GRAMD1A: variants seen among roughly 807,000 people sequenced by gnomAD.
GRAMD1A encodes the protein GRAM domain containing 1A, also known as protein Aster-A.
A neutral mutation model predicts 92.0 loss-of-function variants in GRAMD1A; 50 were observed. That is an observed-to-expected ratio of 0.54 (90% confidence interval 0.43 to 0.69). The LOEUF (loss-of-function observed/expected upper bound fraction) is 0.69. GRAMD1A is among the 30% of genes least tolerant of loss of function. The probability of loss-of-function intolerance (pLI) is 0.00; values close to 1 mark genes in which losing one functional copy is unlikely to be tolerated. For missense variants in GRAMD1A, 819 were observed against 978.9 expected (o/e 0.84, Z 2.18); for synonymous variants, 405 against 403.6 (o/e 1.00, Z -0.04).
intron 11 of GRAMD1A, among the ~76,000 whole-genome samples, chr19:35,016,761 C>G (rs542181542): frequency 1.0e-3 from 152 of 151,892 alleles, no homozygotes; most frequent in African/African-American, 3.4e-3. Context: ...ATATTTTAGC[C>G]AGGCATGGTG....
At chr19:35,006,862 T>A (rs1032752348) in intron 1 of GRAMD1A, among the ~76,000 whole-genome samples, 7 of 152,104 alleles carry the variant, frequency 4.6e-5, no homozygotes, top group South Asian at 2.1e-4. Flanking sequence ...GGTGCCTGCC[T>A]TAGGCTGGAT....
intron 10 of GRAMD1A, chr19:35,015,218 A>G (rs2015540007): frequency 6.6e-6 from 1 of 152,312 alleles, no homozygotes; most frequent in Non-Finnish European, 1.5e-5. Context: ...CATTTAAAGC[A>G]CTTGGGCCAG....
chr19:35,000,023 A>G (rs1015764375), upstream of GRAMD1A: 30 of 984,170 alleles, frequency 3.0e-5, no homozygotes, highest in African/African-American at 3.5e-4. The surrounding 1 kb of genome is among the most constrained non-coding windows in gnomAD (Gnocchi z 4.9). Flanking sequence ...GGCCAGGGGC[A>G]TAGTAGTTGC....
Position 35,011,524 on chromosome 19 carries a change from C to T in GRAMD1A, c.576C>T (p.Phe192=). ...GARDRCFLLI[F]RLWQNALLEK... The stretch of plus-strand genomic sequence containing the variant: ...GTGACCGCTGCTTCCTCCTCATCTT[C>T]CGCCTCTGGCAGAATGCACTGCTTG... Residue 192 remains phenylalanine (F), a synonymous_variant, in exon 7 of 20, where the codon TTC becomes TTT. Coordinates refer to ENST00000317991, the MANE Select transcript of GRAMD1A (RefSeq NM_020895.5). 1 of 1,611,720 alleles carries T rather than the reference C, an allele frequency of 6.2e-7. No homozygotes were observed. Among genetic ancestry groups the T allele is most frequent in the Non-Finnish European group, 8.5e-7 (1 of 1,179,742 alleles).
chr19:35,009,164 G>T lies in GRAMD1A; in HGVS notation c.54G>T (p.Ser18=), dbSNP rs748154945. Residue 18 remains serine, a synonymous_variant, in exon 2 of 20, where the codon TCG becomes TCT. Coordinates refer to ENST00000317991, the MANE Select transcript of GRAMD1A (RefSeq NM_020895.5). ...GGAGCACGCCAAGCAGCTCCCCATCGCTCCGGAAACGGCTGCAGCTCCTGC... is the reference window on the plus strand; with the variant it reads ...GGAGCACGCCAAGCAGCTCCCCATCTCTCCGGAAACGGCTGCAGCTCCTGC... The part of the protein sequence containing the change: ...SGRSTPSSSP[S]LRKRLQLLPP... The T allele has an allele frequency of 6.2e-7, 1 of 1,613,988 alleles. No individual in the cohort carries two copies. Among genetic ancestry groups the T allele is most frequent in the Admixed American group, 1.7e-5 (1 of 60,014 alleles).
chr19:35,014,671 T>C, intron 10 of GRAMD1A: 1 of 495,032 alleles, frequency 2.0e-6, no homozygotes, highest in Non-Finnish European at 3.7e-6. Context: ...TGAGCTTGCT[T>C]TCCTCCTCTG....
rs751160017 is a variant in GRAMD1A at position 35,010,217 on chromosome 19, G to A, written c.429+22G>A. ...CACGGTGAGCCCGCAGCGGGGCAGGGTACAGGGGCGGGGGCCCCCATGGCC... is the reference window on the plus strand; with the variant it reads ...CACGGTGAGCCCGCAGCGGGGCAGGATACAGGGGCGGGGGCCCCCATGGCC... On this transcript the variant is annotated intron_variant, in intron 5 of 19. Transcript: ENST00000317991. 14 of 1,599,282 alleles carry A rather than the reference G, an allele frequency of 8.8e-6. No individual in the cohort carries two copies. The Middle Eastern group carries it at 5.0e-4, about 57-fold the overall frequency.
chr19:35,023,015 C>T, intron 17 of GRAMD1A, 104 bp downstream of exon 17: 1 of 1,000,410 alleles, frequency 1.0e-6, no homozygotes, highest in South Asian at 1.4e-5. Context: ...GGGAGGTGGC[C>T]TGGCATGGCA....
At chr19:34,995,305 A>G (rs1223006148) in intron 1 of GRAMD1A, among the ~76,000 whole-genome samples, 1 of 152,238 alleles carries the variant, frequency 6.6e-6, no homozygotes, top group African/African-American at 2.4e-5. Flanking sequence ...AAAATAGCCC[A>G]GGCCTCCCAC....
upstream of GRAMD1A, chr19:35,000,152 T>G: frequency 1.0e-6 from 1 of 1,003,848 alleles, no homozygotes; most frequent in Non-Finnish European, 1.2e-6. The surrounding 1 kb of genome is among the most constrained non-coding windows in gnomAD (Gnocchi z 4.9). Context: ...TCTCTGCCCC[T>G]CTGCTTTCCC....
intron 1 of GRAMD1A, chr19:35,001,330 G>A (rs2014352702): frequency 1.3e-5 from 2 of 152,490 alleles, no homozygotes; most frequent in Non-Finnish European, 2.9e-5. Context: ...TCCATCTGTA[G>A]CTCCCTGTGC....
At position 35,022,012 on chromosome 19, in the gene GRAMD1A, C is replaced by T; in HGVS notation, c.1815C>T (p.Pro605=). The T allele has an allele frequency of 1.2e-6, 2 of 1,613,806 alleles. No homozygotes were observed. The highest frequency in any genetic ancestry group is 2.2e-5 in the East Asian group (1 of 44,880). Residue 605 remains proline, a synonymous_variant, in exon 16 of 20, where the codon CCC becomes CCT. Transcript: ENST00000317991. ...ACCAGGGCCCCGGGGCAGGCATCCC[C>T]AGTGCCCTGGTTCTCATCAGCATTG... ...SVDQGPGAGI[P]SALVLISIVI...
At chr19:35,014,712 T>C in intron 10 of GRAMD1A, 2 of 384,068 alleles carry the variant, frequency 5.2e-6, no homozygotes, top group South Asian at 4.9e-5. Flanking sequence ...AATACCCACT[T>C]CATAGGATTG....
At position 35,000,549 on chromosome 19, in the gene GRAMD1A, G is replaced by A. The variant is rs2014281176; in HGVS notation, c.8+63G>A. 1 of 1,214,322 alleles carries A rather than the reference G, an allele frequency of 8.2e-7. No individual in the cohort carries two copies. The highest frequency in any genetic ancestry group is 1.0e-6 in the Non-Finnish European group (1 of 964,194). 75.2% of individuals were successfully genotyped at this position (1,214,322 alleles called of 1,614,324 possible). ...GCGGGGGAGGCCACCGGAGGGAGGG[G>A]GCGCCGCGGGCTTGGGGAGGGGGCG... On this transcript the variant is annotated intron_variant, in intron 1 of 19. Coordinates refer to ENST00000317991, the MANE Select transcript of GRAMD1A (RefSeq NM_020895.5). This position sits in a 1 kb window ranked among gnomAD's most constrained non-coding sequence, Gnocchi z 4.9.
chr19:35,019,098 C>T, intron 11 of GRAMD1A, 93 bp from the exon 12 acceptor site: 2 of 811,318 alleles, frequency 2.5e-6, no homozygotes, highest in South Asian at 1.6e-5. Context: ...TGGGACAGGT[C>T]CCCAGAGAGA....
chr19:35,023,346 G>A lies in GRAMD1A; in HGVS notation c.1961+3G>A, dbSNP rs762141695. On this transcript the variant is annotated splice_donor_region_variant and intron_variant, in intron 18 of 19. Coordinates refer to ENST00000317991, the MANE Select transcript of GRAMD1A (RefSeq NM_020895.5). ...CACAGCCTGGCCCTGGCCAAGGGGTGAGTGGGTAGCCTGGGGAAATGGGGG... is the reference window on the plus strand; with the variant it reads ...CACAGCCTGGCCCTGGCCAAGGGGTAAGTGGGTAGCCTGGGGAAATGGGGG... 2.5e-6 allele frequency: 4 copies of A among 1,613,908 alleles called. No homozygotes were observed. In the African/African-American group the frequency reaches 4.0e-5, roughly 16 times the overall value.
intron 11 of GRAMD1A, among the ~76,000 whole-genome samples, chr19:35,016,270 C>T (rs775320772): frequency 2.6e-5 from 4 of 152,058 alleles, no homozygotes; most frequent in Admixed American, 6.5e-5. Flanking sequence ...TAGAGCAATA[C>T]CATATAGTAA....
intron 19 of GRAMD1A, among the ~76,000 whole-genome samples, chr19:35,025,650 G>A (rs11881527): frequency 0.02 from 3,076 of 152,280 alleles, 104 homozygotes; most frequent in African/African-American, 0.071. Flanking sequence ...CAGCTAACAT[G>A]TGCTGAGCAC....
Position 35,000,437 on chromosome 19 carries a change from T to A in GRAMD1A, c.-42T>A. On this transcript the variant is annotated 5_prime_UTR_variant, in exon 1 of 20. Coordinates refer to ENST00000317991, the MANE Select transcript of GRAMD1A (RefSeq NM_020895.5). The surrounding 1 kb of genome is among the most constrained non-coding windows in gnomAD (Gnocchi z 4.9). ...CGCGCAGCCCAGCCCTGCCCTGCCC[T>A]GCCCTGCCCTGCGCCCGGGGCGCGC... is the stretch of plus-strand genomic sequence containing the variant. 1 of 1,236,730 alleles carries A rather than the reference T, an allele frequency of 8.1e-7. No individual in the cohort carries two copies. Among genetic ancestry groups the A allele is most frequent in the Non-Finnish European group, 1.0e-6 (1 of 987,494 alleles). 76.6% of individuals were successfully genotyped at this position (1,236,730 alleles called of 1,614,324 possible).
Sources: allele counts gnomAD v4.1 joint callset (sites outside exome capture counted in the v4.1 genomes callset), GRCh38; gene constraint gnomAD v4.1.1; non-coding constraint Gnocchi (gnomAD v3.1); transcripts MANE v1.5; gene names NCBI Gene and HGNC (gene_info 2026-07-23, HGNC 2026-07-21).